PRKCSH: variants seen among roughly 807,000 people sequenced by gnomAD.
The protein encoded by PRKCSH is PRKCSH beta subunit of glucosidase II, also known as glucosidase 2 subunit beta.
In PRKCSH, 42 loss-of-function variants were observed where a neutral mutation model predicts 79.7. That is an observed-to-expected ratio of 0.53 (90% confidence interval 0.41 to 0.68). The LOEUF (loss-of-function observed/expected upper bound fraction) is 0.68. Among genes scored for constraint, PRKCSH ranks in the 30% least tolerant of loss-of-function variants. PRKCSH has a pLI of 0.00. For synonymous variants in PRKCSH, 325 were observed against 288.2 expected (o/e 1.13, Z -1.29); for missense variants, 686 against 709.0 (o/e 0.97, Z 0.37).
Position 11,438,138 on chromosome 19 carries a change from A to C in PRKCSH, c.350+14A>C, listed in dbSNP as rs1568361628. 3 of 1,613,616 alleles carry C rather than the reference A, an allele frequency of 1.9e-6. No individual in the cohort carries two copies. The South Asian group carries it at 3.3e-5, about 18-fold the overall frequency. On this transcript the variant is annotated intron_variant, in intron 5 of 17. Coordinates refer to ENST00000677123, the MANE Select transcript of PRKCSH (RefSeq NM_001289104.2). ...GAACACCTGCAAGTACGTGGGTGAC[A>C]GTACCCCTCCCATCACCCCACCCCA...
rs1970247011 is a variant in PRKCSH, at chr19:11,445,381, C to A, written c.599-8C>A. 6.2e-7 allele frequency: 1 copy of A among 1,613,346 alleles called. No homozygotes were observed. Among genetic ancestry groups the A allele is most frequent in the African/African-American group, 1.3e-5 (1 of 74,922 alleles). ...GGGCAGGGGGTGACAGAGGTGGCTT[C>A]TTTACAGAGCAGCTGGCTGCTGCCA... On this transcript the variant is annotated splice_polypyrimidine_tract_variant and splice_region_variant and intron_variant, in intron 7 of 17. Transcript: ENST00000677123.
intron 6 of PRKCSH, among the ~76,000 whole-genome samples, chr19:11,441,873 G>A (rs1970078410): frequency 6.6e-6 from 1 of 152,166 alleles, no homozygotes. Flanking sequence ...CTAGTGGGAG[G>A]GACAGCCAGC....
intron 8 of PRKCSH, chr19:11,445,935 G>T: frequency 2.0e-6 from 1 of 506,522 alleles, no homozygotes; most frequent in Non-Finnish European, 3.6e-6. Flanking sequence ...GCAAGGGTGG[G>T]GGTGGGCTTT....
intron 7 of PRKCSH, among the ~76,000 whole-genome samples, 200 bp from the exon 8 acceptor site, chr19:11,445,189 G>T (rs980585990): frequency 6.6e-6 from 1 of 152,118 alleles, no homozygotes; most frequent in African/African-American, 2.4e-5. Context: ...ACACAACCAG[G>T]CTTCAACCAT....
rs760613333 is a variant in PRKCSH, at chr19:11,436,432, C to T, written c.123C>T (p.Asp41=). Residue 41 remains aspartate, a synonymous_variant, in exon 3 of 18, where the codon GAC becomes GAT. Coordinates refer to ENST00000677123, the MANE Select transcript of PRKCSH (RefSeq NM_001289104.2). The part of the protein sequence containing the change: ...YDESKPFTCL[D]GSATIPFDQV... ...AGTCCAAGCCTTTCACCTGCCTGGACGGTTCGGCCACCATCCCATTTGATC... is the reference window on the plus strand; with the variant it reads ...AGTCCAAGCCTTTCACCTGCCTGGATGGTTCGGCCACCATCCCATTTGATC... 2 of 1,614,214 alleles carry T rather than the reference C, an allele frequency of 1.2e-6. No individual in the cohort carries two copies. The highest frequency in any genetic ancestry group is 1.1e-5 in the South Asian group (1 of 91,090).
chr19:11,441,414 T>C lies in PRKCSH; in HGVS notation c.468+57T>C. 3.9e-6 allele frequency: 6 copies of C among 1,541,378 alleles called. No individual in the cohort carries two copies. The South Asian group carries it at 6.7e-5, about 17-fold the overall frequency. On this transcript the variant is annotated intron_variant, in intron 6 of 17. Coordinates refer to ENST00000677123, the MANE Select transcript of PRKCSH (RefSeq NM_001289104.2). Reference sequence around the variant, plus strand: ...ATCTGGGCCTTGAGGCCTCATAGTGTGGGCTTGCAAGGCTGGGGAGGGGTT... The same window carrying C: ...ATCTGGGCCTTGAGGCCTCATAGTGCGGGCTTGCAAGGCTGGGGAGGGGTT...
At chr19:11,438,157 C>T (rs1337824852) in intron 5 of PRKCSH, 33 bp downstream of exon 5, 2 of 1,610,568 alleles carry the variant, frequency 1.2e-6, no homozygotes, top group Admixed American at 1.7e-5. Context: ...CCCATCACCC[C>T]ACCCCAAGAC....
rs577486588 is a variant in PRKCSH, at chr19:11,442,770, C to T, written c.598+255C>T. On this transcript the variant is annotated intron_variant, in intron 7 of 17. Transcript: ENST00000677123. Reference sequence around the variant, plus strand: ...GGGCTGGAGTACAGTGGCGTGATCTCAGCTCACTGCAACCTCTGCCTCCCA... The same window carrying T: ...GGGCTGGAGTACAGTGGCGTGATCTTAGCTCACTGCAACCTCTGCCTCCCA... Among the ~76,000 whole-genome samples the T allele has an allele frequency of 8.5e-5, 13 of 152,318 alleles. No individual in the cohort carries two copies. The South Asian group carries it at 2.5e-3, about 29-fold the overall frequency.
chr19:11,448,441 C>G lies in PRKCSH; in HGVS notation c.1197-99C>G. The G allele has an allele frequency of 6.8e-7, 1 of 1,460,900 alleles. No individual in the cohort carries two copies. The highest frequency in any genetic ancestry group is 1.2e-5 in the South Asian group (1 of 86,736). The allele number at this position is 1,460,900 out of a possible 1,614,324, so 90.5% of individuals were successfully genotyped here. On this transcript the variant is annotated intron_variant, in intron 13 of 17. Transcript: ENST00000677123. This position sits in a 1 kb window ranked among gnomAD's most constrained non-coding sequence, Gnocchi z 4.4. ...CCTGGGAGGTGGCAGGGAGGACAGC[C>G]TGGGCACCATTGCTCAGCCAGACCC...
Position 11,448,304 on chromosome 19 carries a change from G to A in PRKCSH, c.1196+13G>A. On this transcript the variant is annotated intron_variant, in intron 13 of 17. Transcript: ENST00000677123. This position sits in a 1 kb window ranked among gnomAD's most constrained non-coding sequence, Gnocchi z 4.4. ...AGGAGTCCATCAGGTAGCGGGGGCT[G>A]AGGAGCGGGGACACCTGTCCCACAG... is the stretch of plus-strand genomic sequence containing the variant. 6.4e-7 allele frequency: 1 copy of A among 1,568,528 alleles called. No individual in the cohort carries two copies. Among genetic ancestry groups the A allele is most frequent in the Non-Finnish European group, 8.6e-7 (1 of 1,156,508 alleles).
At position 11,449,447 on chromosome 19, in the gene PRKCSH, T is replaced by G. The variant is rs748711536; in HGVS notation, c.*16+19T>G. On this transcript the variant is annotated intron_variant, in intron 17 of 17. Transcript: ENST00000677123. This position sits in a 1 kb window ranked among gnomAD's most constrained non-coding sequence, Gnocchi z 6.4. ...CGCAGAGGTGGGCGGGGAGGTGGAG[T>G]CTCGTCGGCCTGCCCCAGCAAGGGG... 1.7e-5 allele frequency: 28 copies of G among 1,611,018 alleles called. No individual in the cohort carries two copies. The highest frequency in any genetic ancestry group is 2.4e-5 in the Non-Finnish European group (28 of 1,179,346).
At chr19:11,446,454 A>G in intron 9 of PRKCSH, 104 bp downstream of exon 9, 1 of 1,353,596 alleles carries the variant, frequency 7.4e-7, no homozygotes, top group Middle Eastern at 1.8e-4. Context: ...CTGGCCTGGG[A>G]TGCCTCCTCT....
At chr19:11,450,481 A>AT (rs1256917900) in intron 17 of PRKCSH, 165 bp from the exon 18 acceptor site, 51 of 148,766 alleles carry the variant, frequency 3.4e-4, no homozygotes, top group Middle Eastern at 3.4e-3. Context: ...TCTCAAAAAA[A>AT]AAAAATAATA....
rs757538346 is a variant in PRKCSH at position 11,436,492 on chromosome 19, C to G, written c.183C>G (p.Gly61=). The change falls in exon 3 of 18, where the codon GGC becomes GGG. Residue 61 remains glycine (G), a synonymous_variant. Transcript: ENST00000677123. ...VNDDYCDCKD[G]SDEPGTAACP... ...ATGACTATTGCGACTGCAAAGATGGCTCTGACGAGCCAGGTGAGCCTTTTC... is the reference window on the plus strand; with the variant it reads ...ATGACTATTGCGACTGCAAAGATGGGTCTGACGAGCCAGGTGAGCCTTTTC... 24 of 1,612,890 alleles carry G rather than the reference C, an allele frequency of 1.5e-5. No homozygotes were observed. The highest frequency in any genetic ancestry group is 2.0e-5 in the Non-Finnish European group (24 of 1,179,096).
intron 5 of PRKCSH, 79 bp downstream of exon 5, chr19:11,438,203 T>C (rs1969874881): frequency 1.4e-6 from 2 of 1,470,006 alleles, no homozygotes; most frequent in African/African-American, 2.8e-5. Flanking sequence ...GGGCCCACTC[T>C]CTCTTCTGCT....
intron 7 of PRKCSH, 103 bp from the exon 8 acceptor site, chr19:11,445,286 C>A: frequency 9.5e-7 from 1 of 1,050,808 alleles, no homozygotes; most frequent in Non-Finnish European, 1.5e-6. Flanking sequence ...CAGCATGGGG[C>A]CAGGCATATA....
rs368750188 is a variant in PRKCSH, at chr19:11,438,128, C to T, written c.350+4C>T. On this transcript the variant is annotated splice_donor_region_variant and intron_variant, in intron 5 of 17. Transcript: ENST00000677123. Reference sequence around the variant, plus strand: ...TCATCTGTGAGAACACCTGCAAGTACGTGGGTGACAGTACCCCTCCCATCA... The same window carrying T: ...TCATCTGTGAGAACACCTGCAAGTATGTGGGTGACAGTACCCCTCCCATCA... 5.0e-5 allele frequency: 81 copies of T among 1,614,012 alleles called. No homozygotes were observed. In the East Asian group the frequency reaches 7.4e-4, roughly 15 times the overall value.
chr19:11,447,714 C>T lies in PRKCSH; in HGVS notation c.1051C>T (p.Pro351Ser), dbSNP rs1126650. 3.8e-6 allele frequency: 6 copies of T among 1,586,274 alleles called. No individual in the cohort carries two copies. The highest frequency in any genetic ancestry group is 5.1e-6 in the Non-Finnish European group (6 of 1,166,306). Residue 351 changes from proline (P) to serine (S), a missense_variant, in exon 12 of 18, where the codon CCC (proline) becomes TCC (serine). This residue lies in a region of PRKCSH where 549 missense variants were observed against 520.2 expected (regional missense o/e 1.06). Coordinates refer to ENST00000677123, the MANE Select transcript of PRKCSH (RefSeq NM_001289104.2). The surrounding 1 kb of genome is among the most constrained non-coding windows in gnomAD (Gnocchi z 5.6). The stretch of plus-strand genomic sequence containing the variant: ...CCAGGAGGCCCCACCGCCACTGTCA[C>T]CCCCGCAGCCGGCCAGCCCTGCTGA... ...QPKEAPPPLSPPQPASPAEED... is the reference protein window; with the variant it reads ...QPKEAPPPLSSPQPASPAEED...
chr19:11,437,733 G>C, intron 3 of PRKCSH, 143 bp from the exon 4 acceptor site: 1 of 786,836 alleles, frequency 1.3e-6, no homozygotes, highest in Non-Finnish European at 2.2e-6. Flanking sequence ...TGGCTGTGCA[G>C]TGTACAACTC....
Sources: gnomAD v4.1 joint callset for allele counts (sites outside exome capture counted in the v4.1 genomes callset) on GRCh38, gnomAD v4.1.1 for gene constraint, gnomAD v4.1.1 regional missense constraint, Gnocchi (gnomAD v3.1) non-coding constraint, MANE v1.5 for transcripts, NCBI Gene and HGNC (gene_info 2026-07-23, HGNC 2026-07-21) for gene names.